Variants in NRG3 observed in about 807,000 individuals in gnomAD.
The protein encoded by NRG3 is neuregulin 3.
In NRG3, 31 loss-of-function variants were observed where a neutral mutation model predicts 66.9. The observed-to-expected ratio is 0.46, with a 90% CI of 0.35 to 0.63. The LOEUF is 0.63. Among genes scored for constraint, NRG3 ranks in the 20% least tolerant of loss-of-function variants. The probability of loss-of-function intolerance (pLI) is 0.00; values close to 1 mark genes in which losing one functional copy is unlikely to be tolerated. For missense variants in NRG3, 910 were observed against 878.9 expected (o/e 1.04, Z -0.45); for synonymous variants, 393 against 359.4 (o/e 1.09, Z -1.06).
At chr10:82,185,415 TG>T (rs2073742874) in intron 1 of NRG3, among the ~76,000 whole-genome samples, 1 of 152,178 alleles carries the variant, frequency 6.6e-6, no homozygotes, top group Non-Finnish European at 1.5e-5. Context: ...AGCTTTATTC[TG>T]GGGTCAAATT....
chr10:82,020,738 G>A (rs1407905876), intron 1 of NRG3, among the ~76,000 whole-genome samples: 1 of 152,016 alleles, frequency 6.6e-6, no homozygotes, highest in Admixed American at 6.6e-5. Context: ...ATTGCTAATT[G>A]TCTTGCCATC....
chr10:82,969,731 A>G (rs2132546409), intron 6 of NRG3, among the ~76,000 whole-genome samples: 1 of 152,366 alleles, frequency 6.6e-6, no homozygotes, highest in African/African-American at 2.4e-5. Context: ...ACTCATGGAT[A>G]TACTTTTTCC....
intron 1 of NRG3, among the ~76,000 whole-genome samples, chr10:82,166,566 T>G (rs2072075285): frequency 6.6e-6 from 1 of 151,992 alleles, no homozygotes; most frequent in Non-Finnish European, 1.5e-5. Flanking sequence ...TTATAAATAC[T>G]ATATTGCATT....
chr10:82,240,307 A>C (rs535122096), intron 1 of NRG3, among the ~76,000 whole-genome samples: 9 of 151,976 alleles, frequency 5.9e-5, no homozygotes, highest in Non-Finnish European at 1.3e-4. Flanking sequence ...GCATTTGAAT[A>C]AAAAAAATCA....
intron 1 of NRG3, among the ~76,000 whole-genome samples, chr10:81,964,728 G>T (rs2059666144): frequency 6.6e-6 from 1 of 152,082 alleles, no homozygotes; most frequent in Admixed American, 6.6e-5. Context: ...CTACCACACG[G>T]CCTCATCAAT....
intron 1 of NRG3, among the ~76,000 whole-genome samples, chr10:81,926,281 A>G (rs1007870590): frequency 6.6e-6 from 1 of 151,796 alleles, no homozygotes; most frequent in Non-Finnish European, 1.5e-5. Context: ...CCATAGCCAG[A>G]TACTTTTTTT....
At chr10:82,329,851 A>C (rs1412171909) in intron 1 of NRG3, among the ~76,000 whole-genome samples, 1 of 152,188 alleles carries the variant, frequency 6.6e-6, no homozygotes, top group East Asian at 1.9e-4. Context: ...TAGGCAGTTC[A>C]TCACAGGAAG....
At chr10:82,544,939 A>G (rs1393974793) in intron 2 of NRG3, among the ~76,000 whole-genome samples, 3 of 152,214 alleles carry the variant, frequency 2.0e-5, no homozygotes, top group Admixed American at 6.5e-5. Context: ...TTACCTTCAG[A>G]TGCCCCTATA....
At chr10:81,957,293 C>G (rs1321690247) in intron 1 of NRG3, among the ~76,000 whole-genome samples, 1 of 152,094 alleles carries the variant, frequency 6.6e-6, no homozygotes, top group Non-Finnish European at 1.5e-5. Flanking sequence ...AGAGCTCATT[C>G]ATTATAGTAC....
intron 1 of NRG3, among the ~76,000 whole-genome samples, chr10:81,880,743 G>A (rs1300042819): frequency 6.6e-6 from 1 of 152,180 alleles, no homozygotes; most frequent in Non-Finnish European, 1.5e-5. Flanking sequence ...ATAAGAGCAA[G>A]GGAATAGTCA....
chr10:82,596,504 C>T (rs1351426052), intron 2 of NRG3, among the ~76,000 whole-genome samples: 2 of 152,084 alleles, frequency 1.3e-5, no homozygotes, highest in African/African-American at 4.8e-5. Flanking sequence ...TGGTTGGGCT[C>T]ATTTTGGTCA....
intron 4 of NRG3, among the ~76,000 whole-genome samples, chr10:82,916,230 T>C (rs1845819610): frequency 6.6e-6 from 1 of 152,156 alleles, no homozygotes; most frequent in Non-Finnish European, 1.5e-5. Context: ...GTTAGGAGGA[T>C]TGCTTGAGCC....
intron 4 of NRG3, among the ~76,000 whole-genome samples, chr10:82,871,969 G>T (rs1841384336): frequency 6.6e-6 from 1 of 151,940 alleles, no homozygotes; most frequent in African/African-American, 2.4e-5. Flanking sequence ...AATGAAAGGG[G>T]GCAACTTTGC....
chr10:82,133,898 C>T (rs2069126342), intron 1 of NRG3, among the ~76,000 whole-genome samples: 1 of 152,060 alleles, frequency 6.6e-6, no homozygotes, highest in African/African-American at 2.4e-5. Context: ...ATTTGTGTTC[C>T]CTTTTCTCTG....
chr10:82,792,812 C>G (rs2060641518), intron 3 of NRG3, among the ~76,000 whole-genome samples: 1 of 152,056 alleles, frequency 6.6e-6, no homozygotes, highest in South Asian at 2.1e-4. Flanking sequence ...TCCTGAGTAG[C>G]TGGGATTTTA....
At chr10:81,897,810 C>T (rs914998833) in intron 1 of NRG3, among the ~76,000 whole-genome samples, 1 of 152,042 alleles carries the variant, frequency 6.6e-6, no homozygotes, top group African/African-American at 2.4e-5. Flanking sequence ...CACTGAAAAC[C>T]AGTGATGGGA....
At chr10:82,880,644 G>A (rs1842222472) in intron 4 of NRG3, among the ~76,000 whole-genome samples, 1 of 152,098 alleles carries the variant, frequency 6.6e-6, no homozygotes, top group African/African-American at 2.4e-5. Flanking sequence ...CACTGGGCCA[G>A]GGCCATAACT....
chr10:82,344,889 C>T (rs1311135287), intron 1 of NRG3, among the ~76,000 whole-genome samples: 3 of 117,912 alleles, frequency 2.5e-5, no homozygotes, highest in East Asian at 3.0e-4. Flanking sequence ...TCATGTCCTT[C>T]GCCCACTTTT....
intron 1 of NRG3, among the ~76,000 whole-genome samples, chr10:82,055,244 C>T (rs748172758): frequency 3.3e-5 from 5 of 151,690 alleles, no homozygotes; most frequent in South Asian, 2.1e-4. Context: ...TTTGGGAGGC[C>T]GAGGCGAGCA....
Sources: gnomAD v4.1 joint callset for allele counts (sites outside exome capture counted in the v4.1 genomes callset) on GRCh38, gnomAD v4.1.1 for gene constraint, MANE v1.5 for transcripts, NCBI Gene and HGNC (gene_info 2026-07-23, HGNC 2026-07-21) for gene names.